PFKFB3: variants seen among roughly 807,000 people sequenced by gnomAD.
The protein encoded by PFKFB3 is 6-phosphofructo-2-kinase/fructose-2,6-bisphosphatase 3.
Under a neutral mutation model 68.0 loss-of-function variants are expected in PFKFB3, and 33 were observed. The observed-to-expected ratio is 0.49, with a 90% CI of 0.37 to 0.65. The LOEUF (loss-of-function observed/expected upper bound fraction) is 0.65. PFKFB3 is among the 30% of genes least tolerant of loss of function. The pLI, the probability that PFKFB3 is intolerant of heterozygous loss-of-function variation, is 0.00. For missense variants in PFKFB3, 586 were observed against 712.2 expected (o/e 0.82, Z 2.02); for synonymous variants, 315 against 288.2 (o/e 1.09, Z -0.94).
the PFKFB3 span, among the ~76,000 whole-genome samples, chr10:6,318,250 C>G: frequency 5.3e-4 from 81 of 152,290 alleles, no homozygotes; most frequent in African/African-American, 1.8e-3. Context: ...TCTCAAGCTG[C>G]CCCTGGGAGC....
At position 6,217,202 on chromosome 10, in the gene PFKFB3, C is replaced by T. The variant is rs368546310; in HGVS notation, c.498+11C>T. 1.3e-4 allele frequency: 215 copies of T among 1,612,378 alleles called. No individual in the cohort carries two copies. Among genetic ancestry groups the T allele is most frequent in the Non-Finnish European group, 1.6e-4 (187 of 1,178,476 alleles). Reference sequence around the variant, plus strand: ...GCCTCCAATATCATGGTAAGACAGCCGGGAGCCCCGTGCTTCTGCGGCAGC... The same window carrying T: ...GCCTCCAATATCATGGTAAGACAGCTGGGAGCCCCGTGCTTCTGCGGCAGC... On this transcript the variant is annotated intron_variant, in intron 6 of 14. Coordinates refer to ENST00000379775, the MANE Select transcript of PFKFB3 (RefSeq NM_004566.4).
At chr10:6,301,656 T>C in the PFKFB3 span, among the ~76,000 whole-genome samples, 1 of 152,212 alleles carries the variant, frequency 6.6e-6, no homozygotes, top group African/African-American at 2.4e-5. Flanking sequence ...CTTGACCCAG[T>C]AGGGCAGTTC....
intron 14 of PFKFB3, among the ~76,000 whole-genome samples, chr10:6,251,032 C>T (rs1035345151): frequency 6.6e-6 from 1 of 152,126 alleles, no homozygotes; most frequent in African/African-American, 2.4e-5. Flanking sequence ...TGCTTTGTCC[C>T]CCGTCCCCAT....
the PFKFB3 span, among the ~76,000 whole-genome samples, chr10:6,265,082 A>ATTTTT: frequency 7.4e-6 from 1 of 134,486 alleles, no homozygotes. Context: ...TTTTTCTTTC[A>ATTTTT]TTTTTTTTTT....
At chr10:6,182,860 G>T (rs1192352641) in intron 1 of PFKFB3, among the ~76,000 whole-genome samples, 1 of 152,236 alleles carries the variant, frequency 6.6e-6, no homozygotes, top group African/African-American at 2.4e-5. Flanking sequence ...GCCTCTGCCA[G>T]ACAGAGCAGT....
chr10:6,183,028 C>G (rs1842763375), intron 1 of PFKFB3, among the ~76,000 whole-genome samples: 1 of 152,122 alleles, frequency 6.6e-6, no homozygotes, highest in Admixed American at 6.5e-5. Flanking sequence ...ACAGCCACAG[C>G]CCATACACGC....
the PFKFB3 span, among the ~76,000 whole-genome samples, chr10:6,274,794 C>G: frequency 6.6e-6 from 1 of 151,964 alleles, no homozygotes; most frequent in Non-Finnish European, 1.5e-5. Context: ...TGTGATGGTA[C>G]CACTGCACTC....
At chr10:6,318,050 C>T in the PFKFB3 span, among the ~76,000 whole-genome samples, 3 of 152,170 alleles carry the variant, frequency 2.0e-5, no homozygotes, top group African/African-American at 4.8e-5. Flanking sequence ...ACCTGAAAAG[C>T]GAAAGTTCCT....
the PFKFB3 span, among the ~76,000 whole-genome samples, chr10:6,290,786 A>C: frequency 6.6e-6 from 1 of 152,050 alleles, no homozygotes; most frequent in South Asian, 2.1e-4. Context: ...TTACAGGCAT[A>C]AGCCACCACG....
Position 6,229,513 on chromosome 10 carries a change from C to A in PFKFB3, c.1515+3148C>A, listed in dbSNP as rs959651210. Among the ~76,000 whole-genome samples, 1 of 152,196 alleles carries A rather than the reference C, an allele frequency of 6.6e-6. No individual in the cohort carries two copies. Among genetic ancestry groups the A allele is most frequent in the Non-Finnish European group, 1.5e-5 (1 of 68,032 alleles). ...CAGCTGTTGGACCCTCGTGTACCCC[C>A]ACAGCCACCCCCTTGCAGCTGCTTC... On this transcript the variant is annotated intron_variant, in intron 14 of 14. Transcript: ENST00000379775. The surrounding 1 kb of genome is among the most constrained non-coding windows in gnomAD (Gnocchi z 4.3).
At chr10:6,255,749 T>G (rs1344153809), downstream of PFKFB3, among the ~76,000 whole-genome samples, 1 of 152,188 alleles carries the variant, frequency 6.6e-6, no homozygotes. Flanking sequence ...AGCTCCAATG[T>G]CCAGGCTCAG....
rs1194649381 is a variant in PFKFB3 at position 6,215,252 on chromosome 10, T to C, written c.234T>C (p.Ala78=). 6.2e-7 allele frequency: 1 copy of C among 1,613,946 alleles called. No individual in the cohort carries two copies. Among genetic ancestry groups the C allele is most frequent in the South Asian group, 1.1e-5 (1 of 91,070 alleles). ...VFNVGEYRRE[A]VKQYSSYNFF... ...ACGTCGGGGAGTATCGCCGGGAGGCTGTGAAGCAGTACAGCTCCTACAACT... is the reference window on the plus strand; with the variant it reads ...ACGTCGGGGAGTATCGCCGGGAGGCCGTGAAGCAGTACAGCTCCTACAACT... Residue 78 remains alanine (A), a synonymous_variant, in exon 3 of 15, where the codon GCT becomes GCC. Coordinates refer to ENST00000379775, the MANE Select transcript of PFKFB3 (RefSeq NM_004566.4). The surrounding 1 kb of genome is among the most constrained non-coding windows in gnomAD (Gnocchi z 4.3).
In PFKFB3 at chr10:6,232,954, C is replaced by G. The variant is rs374134958; in HGVS notation, c.*12C>G. ...CCAGGAAACACTGAGGCAGACGTGT[C>G]GGTTCCATTCCATTTCCATTTCTGC... On this transcript the variant is annotated 3_prime_UTR_variant, in exon 15 of 15. Transcript: ENST00000379775. 64 of 1,604,768 alleles carry G rather than the reference C, an allele frequency of 4.0e-5. No homozygotes were observed. The highest frequency in any genetic ancestry group is 4.7e-5 in the Non-Finnish European group (55 of 1,171,868).
At chr10:6,279,680 A>C in the PFKFB3 span, among the ~76,000 whole-genome samples, 1 of 152,188 alleles carries the variant, frequency 6.6e-6, no homozygotes, top group Admixed American at 6.5e-5. Context: ...GCCAGACAGC[A>C]TGAGGCGGCA....
At chr10:6,312,454 G>T in the PFKFB3 span, among the ~76,000 whole-genome samples, 2 of 152,118 alleles carry the variant, frequency 1.3e-5, no homozygotes, top group African/African-American at 4.8e-5. Flanking sequence ...CAAGAATGGG[G>T]CCGTGTGAGC....
chr10:6,157,129 C>T (rs1437812240), intron 1 of PFKFB3, among the ~76,000 whole-genome samples: 1 of 151,546 alleles, frequency 6.6e-6, no homozygotes, highest in African/African-American at 2.4e-5. Context: ...TTTTAAAAAG[C>T]AATTCTGCCA....
the PFKFB3 span, chr10:6,293,534 T>C: frequency 5.2e-6 from 1 of 192,134 alleles, no homozygotes; most frequent in Non-Finnish European, 1.1e-5. Context: ...TTAGTAGAGA[T>C]GGGGTTTCAC....
the PFKFB3 span, among the ~76,000 whole-genome samples, chr10:6,300,348 G>T: frequency 1.3e-5 from 2 of 152,098 alleles, no homozygotes; most frequent in Admixed American, 6.6e-5. Context: ...GACCTGGCAC[G>T]TAACAGATGT....
chr10:6,176,161 C>T (rs976053965), intron 1 of PFKFB3, among the ~76,000 whole-genome samples: 8 of 152,136 alleles, frequency 5.3e-5, no homozygotes, highest in Admixed American at 2.0e-4. Flanking sequence ...GGAAGGGACA[C>T]GGTGGAAGAA....
Sources: gnomAD v4.1 joint callset for allele counts (sites outside exome capture counted in the v4.1 genomes callset) on GRCh38, gnomAD v4.1.1 for gene constraint, Gnocchi (gnomAD v3.1) non-coding constraint, MANE v1.5 for transcripts, NCBI Gene and HGNC (gene_info 2026-07-23, HGNC 2026-07-21) for gene names.